Variants in PRAG1 observed in about 807,000 individuals in gnomAD.
PRAG1 encodes PEAK1 related, kinase-activating pseudokinase 1, also known as inactive tyrosine-protein kinase PRAG1.
PRAG1 carries 110 observed loss-of-function variants against 95.6 expected under a neutral mutation model. The ratio of observed to expected loss-of-function variants is 1.15; its 90% CI spans 0.99 to 1.35. The LOEUF (loss-of-function observed/expected upper bound fraction) is 1.35. Among genes scored for constraint, PRAG1 ranks in the 40% most tolerant of loss-of-function variants. The pLI is 0.00. For missense variants in PRAG1, 2,554 were observed against 1,864.7 expected (o/e 1.37, Z -6.81); for synonymous variants, 1,052 against 819.4 (o/e 1.28, Z -4.85).
chr8:8,354,632 A>T (rs1038761403), intron 3 of PRAG1, among the ~76,000 whole-genome samples: 3 of 152,224 alleles, frequency 2.0e-5, no homozygotes, highest in African/African-American at 7.2e-5. Flanking sequence ...GGCATATACA[A>T]ATAAATCATT....
intron 3 of PRAG1, among the ~76,000 whole-genome samples, chr8:8,361,575 C>T (rs1362826850): frequency 6.6e-6 from 1 of 152,226 alleles, no homozygotes; most frequent in African/African-American, 2.4e-5. Context: ...TAAAGAAGAA[C>T]AGGCCCTTGC....
At chr8:8,364,789 C>T (rs566589912) in intron 3 of PRAG1, among the ~76,000 whole-genome samples, 3 of 151,910 alleles carry the variant, frequency 2.0e-5, no homozygotes, top group South Asian at 2.1e-4. Context: ...CAATATTTAG[C>T]GATCAAATGA....
chr8:8,318,971 T>A lies in PRAG1; in HGVS notation c.3404A>T (p.His1135Leu). 6.2e-7 allele frequency: 1 copy of A among 1,613,178 alleles called. No individual in the cohort carries two copies. Among genetic ancestry groups the A allele is most frequent in the Non-Finnish European group, 8.5e-7 (1 of 1,179,706 alleles). Reference sequence around the variant, plus strand: ...GTGGATGATCCCGTGCTCCTTCAGGTGCTCCAGCCCGTTGCAGAGTTGCAG... The same window carrying A: ...GTGGATGATCCCGTGCTCCTTCAGGAGCTCCAGCCCGTTGCAGAGTTGCAG... The part of the protein sequence containing the change: ...LLLQLCNGLE[H>L]LKEHGIIHRD... The change falls in exon 6 of 6, where the codon CAC (histidine) becomes CTC (leucine). Residue 1135 changes from histidine to leucine, a missense_variant. Physicochemically the swap from His to Leu is moderately conservative, Grantham distance 99. Coordinates refer to ENST00000615670, the MANE Select transcript of PRAG1 (RefSeq NM_001080826.3). The surrounding 1 kb of genome is among the most constrained non-coding windows in gnomAD (Gnocchi z 4.2).
chr8:8,318,733 G>C lies in PRAG1; in HGVS notation c.3642C>G (p.Ile1214Met). The C allele has an allele frequency of 6.2e-7, 1 of 1,607,616 alleles. No homozygotes were observed. Among genetic ancestry groups the C allele is most frequent in the Non-Finnish European group, 8.5e-7 (1 of 1,177,390 alleles). The change falls in exon 6 of 6, where the codon ATC becomes ATG. Residue 1214 changes from isoleucine (I) to methionine (M), a missense_variant. Coordinates refer to ENST00000615670, the MANE Select transcript of PRAG1 (RefSeq NM_001080826.3). The surrounding 1 kb of genome is among the most constrained non-coding windows in gnomAD (Gnocchi z 4.2). ...PREKQLPRLIISNFLKAKQKP... is the reference protein window; with the variant it reads ...PREKQLPRLIMSNFLKAKQKP... ...TCTGCTTGGCCTTCAAAAAGTTGCT[G>C]ATGATGAGCCGGGGCAGCTGCTTCT...
chr8:8,337,079 G>A (rs1314652500), intron 4 of PRAG1, among the ~76,000 whole-genome samples: 2 of 152,152 alleles, frequency 1.3e-5, no homozygotes, highest in Admixed American at 6.5e-5. Context: ...TCAATGAAAC[G>A]CATAGTTTTC....
chr8:8,367,703 G>C (rs576704876), intron 3 of PRAG1, among the ~76,000 whole-genome samples: 3 of 151,790 alleles, frequency 2.0e-5, no homozygotes, highest in Non-Finnish European at 2.9e-5. Flanking sequence ...GTGCAGTGGC[G>C]TGATCTCAGC....
rs536509125 is a variant in PRAG1 at position 8,378,131 on chromosome 8, AAG to A, written c.331-55_331-54del. The A allele has an allele frequency of 6.7e-4, 1,009 of 1,500,006 alleles. 8 individuals carry two copies. In the African/African-American group the frequency reaches 0.013, roughly 19 times the overall value. 92.9% of individuals were successfully genotyped at this position (1,500,006 alleles called of 1,614,324 possible). On this transcript the variant is annotated intron_variant, in intron 2 of 5. Transcript: ENST00000615670. Reference sequence around the variant, plus strand: ...TTATATTAGAACTTGTCATAGAAAAAAGAGAGAGAGGAAAAGTGAGAGGGAAG... The same window carrying A: ...TTATATTAGAACTTGTCATAGAAAAAAGAGAGAGGAAAAGTGAGAGGGAAG...
intron 3 of PRAG1, among the ~76,000 whole-genome samples, chr8:8,349,954 C>CACAT (rs1454627430): frequency 6.6e-6 from 1 of 151,294 alleles, no homozygotes; most frequent in African/African-American, 2.4e-5. Flanking sequence ...CACACACACA[C>CACAT]ACACACATAC....
At chr8:8,360,699 C>A (rs1260240426) in intron 3 of PRAG1, among the ~76,000 whole-genome samples, 1 of 152,252 alleles carries the variant, frequency 6.6e-6, no homozygotes, top group African/African-American at 2.4e-5. Flanking sequence ...TGGTCTAAAT[C>A]TGCATATTTT....
At chr8:8,337,516 C>G (rs1007273350) in intron 4 of PRAG1, among the ~76,000 whole-genome samples, 1 of 151,982 alleles carries the variant, frequency 6.6e-6, no homozygotes, top group Non-Finnish European at 1.5e-5. Context: ...GAATGTCATG[C>G]CTTTGGTCTC....
rs371525711 is a variant in PRAG1, at chr8:8,376,264, A to C, written c.2145T>G (p.Pro715=). Residue 715 remains proline (P), a synonymous_variant, in exon 3 of 6, where the codon CCT becomes CCG. Transcript: ENST00000615670. ...GTACTCACCGCGACTTTGGAGGCGG[A>C]GGAGGAGGTGAGAATGTCTCAATCC... is the stretch of plus-strand genomic sequence containing the variant. ...RSGIETFSPP[P]PPPKSRHLLK... The C allele has an allele frequency of 6.8e-6, 11 of 1,613,620 alleles. No individual in the cohort carries two copies. The African/African-American group carries it at 1.3e-4, about 20-fold the overall frequency.
intron 2 of PRAG1, among the ~76,000 whole-genome samples, chr8:8,378,713 T>C (rs1442226597): frequency 2.0e-5 from 3 of 151,838 alleles, no homozygotes; most frequent in Admixed American, 1.3e-4. Context: ...ATACAAAAAC[T>C]TGGTGGGCGT....
intron 3 of PRAG1, among the ~76,000 whole-genome samples, chr8:8,354,209 A>T (rs1033275852): frequency 6.6e-6 from 1 of 152,178 alleles, no homozygotes; most frequent in African/African-American, 2.4e-5. Context: ...CCTAGATTCA[A>T]TATTGAATCA....
chr8:8,339,830 T>C (rs1799110084), intron 3 of PRAG1, among the ~76,000 whole-genome samples, 195 bp from the exon 4 acceptor site: 1 of 152,148 alleles, frequency 6.6e-6, no homozygotes, highest in Non-Finnish European at 1.5e-5. Flanking sequence ...GACAGGAGAC[T>C]TCCAGAGTGT....
chr8:8,341,989 G>A (rs935881355), intron 3 of PRAG1, among the ~76,000 whole-genome samples: 1 of 151,958 alleles, frequency 6.6e-6, no homozygotes, highest in African/African-American at 2.4e-5. Context: ...AAATTAGCCA[G>A]GCATAGTGGC....
intron 3 of PRAG1, among the ~76,000 whole-genome samples, chr8:8,357,510 A>G (rs1799719094): frequency 1.3e-5 from 2 of 152,222 alleles, no homozygotes; most frequent in South Asian, 4.1e-4. Context: ...TCCCATTAGG[A>G]TGGGTACTAT....
intron 3 of PRAG1, among the ~76,000 whole-genome samples, chr8:8,359,170 C>T (rs1009296946): frequency 6.6e-6 from 1 of 152,196 alleles, no homozygotes; most frequent in Non-Finnish European, 1.5e-5. Flanking sequence ...TTACTTTTCA[C>T]AATTCCCTCC....
At position 8,377,903 on chromosome 8, in the gene PRAG1, G is replaced by A. The variant is rs779922862; in HGVS notation, c.506C>T (p.Pro169Leu). The A allele has an allele frequency of 3.1e-5, 50 of 1,614,086 alleles. No homozygotes were observed. The South Asian group carries it at 4.0e-4, about 13-fold the overall frequency. ...GAAGGCAATGTTCCTCTCGCCGCGG[G>A]GCTCAAGGTTGTGCAGGCCGACCAT... ...YTMVGLHNLE[P>L]RGERNIAFHP... The change falls in exon 3 of 6, where the codon CCC becomes CTC. Residue 169 changes from proline to leucine, a missense_variant. Transcript: ENST00000615670.
chr8:8,349,770 T>C (rs988965459), intron 3 of PRAG1, among the ~76,000 whole-genome samples: 4 of 152,200 alleles, frequency 2.6e-5, no homozygotes, highest in African/African-American at 9.7e-5. Context: ...ATGACCTCTG[T>C]GGTCCCCATG....
Sources: gnomAD v4.1 joint callset for allele counts (sites outside exome capture counted in the v4.1 genomes callset) on GRCh38, gnomAD v4.1.1 for gene constraint, Gnocchi (gnomAD v3.1) non-coding constraint, MANE v1.5 for transcripts, NCBI Gene and HGNC (gene_info 2026-07-23, HGNC 2026-07-21) for gene names.